HIVEP3: variants seen among roughly 807,000 people sequenced by gnomAD.
The protein encoded by HIVEP3 is transcription factor HIVEP3.
Under a neutral mutation model 152.8 loss-of-function variants are expected in HIVEP3, and 49 were observed. The observed-to-expected ratio is 0.32, with a 90% CI of 0.26 to 0.41. HIVEP3 has a LOEUF of 0.41. HIVEP3 is among the 10% of genes least tolerant of loss of function. The pLI is 1.00. For synonymous variants in HIVEP3, 1,269 were observed against 1,289.0 expected, an observed-to-expected ratio of 0.98 and a Z score of 0.33; for missense variants, 2,790 against 3,103.3, an observed-to-expected ratio of 0.90 and a Z score of 2.40.
chr1:41,962,519 T>C (rs1645174521), intron 1 of HIVEP3, among the ~76,000 whole-genome samples: 1 of 152,254 alleles, frequency 6.6e-6, no homozygotes, highest in African/African-American at 2.4e-5. Flanking sequence ...ACTTACTAGG[T>C]ACTCCCTGGG....
chr1:41,558,569 C>T (rs72953304), intron 5 of HIVEP3, among the ~76,000 whole-genome samples: 2,448 of 152,318 alleles, frequency 0.016, 62 homozygotes, highest in African/African-American at 0.056. Context: ...TGTCAGCCTG[C>T]ACCCCTCCTG....
chr1:41,575,862 G>C (rs1036533819), intron 4 of HIVEP3, among the ~76,000 whole-genome samples, 173 bp from the exon 5 acceptor site: 41 of 152,206 alleles, frequency 2.7e-4, no homozygotes, highest in Non-Finnish European at 5.4e-4. Context: ...TAAGGAAACT[G>C]ATCCCCAGAG....
chr1:41,681,762 C>A (rs796726460), intron 2 of HIVEP3, among the ~76,000 whole-genome samples: 36 of 152,298 alleles, frequency 2.4e-4, no homozygotes, highest in African/African-American at 7.9e-4. Flanking sequence ...GGGAGGGAAA[C>A]CTTGTGTTCA....
chr1:41,752,662 G>A (rs532063959), intron 1 of HIVEP3, among the ~76,000 whole-genome samples: 2 of 152,202 alleles, frequency 1.3e-5, no homozygotes, highest in Admixed American at 6.5e-5. Flanking sequence ...GTCCCAGACC[G>A]ACAGAACCAG....
intron 1 of HIVEP3, among the ~76,000 whole-genome samples, chr1:41,812,683 T>TG (rs952215041): frequency 3.7e-4 from 51 of 138,798 alleles, no homozygotes; most frequent in African/African-American, 6.1e-4. Flanking sequence ...TGGTAGGGGG[T>TG]GGGGGGGGAC....
At chr1:41,713,442 A>G (rs982368263) in intron 1 of HIVEP3, among the ~76,000 whole-genome samples, 1 of 152,226 alleles carries the variant, frequency 6.6e-6, no homozygotes, top group Non-Finnish European at 1.5e-5. Flanking sequence ...TTTAACTTGG[A>G]GAATAATGGG....
At chr1:42,018,605 T>C (rs1420062120) in intron 1 of HIVEP3, among the ~76,000 whole-genome samples, 2 of 152,064 alleles carry the variant, frequency 1.3e-5, no homozygotes, top group Non-Finnish European at 1.5e-5. Flanking sequence ...CCCCAAAATA[T>C]GCCTCTGACA....
At chr1:41,701,168 T>A (rs1224430056) in intron 1 of HIVEP3, among the ~76,000 whole-genome samples, 173 bp from the exon 2 acceptor site, 1 of 152,194 alleles carries the variant, frequency 6.6e-6, no homozygotes, top group East Asian at 1.9e-4. Context: ...TCCCTGCGGA[T>A]GAAACCACAG....
intron 6 of HIVEP3, among the ~76,000 whole-genome samples, chr1:41,523,119 C>T (rs973096285): frequency 4.6e-5 from 7 of 152,224 alleles, no homozygotes; most frequent in Non-Finnish European, 8.8e-5. Context: ...AGTTGACGAC[C>T]GTCCATTGAA....
chr1:41,985,999 G>A (rs753690989), intron 1 of HIVEP3, among the ~76,000 whole-genome samples: 4 of 152,174 alleles, frequency 2.6e-5, no homozygotes, highest in Non-Finnish European at 5.9e-5. Flanking sequence ...CTATTTCAAA[G>A]TTAAGATCTT....
At chr1:41,920,760 T>C (rs564459636), upstream of HIVEP3, among the ~76,000 whole-genome samples, 10 of 152,322 alleles carry the variant, frequency 6.6e-5, no homozygotes, top group African/African-American at 1.9e-4. Flanking sequence ...TGAGGCTTTG[T>C]AACTTGGCTT....
intron 2 of HIVEP3, among the ~76,000 whole-genome samples, chr1:41,690,603 A>G (rs1646182952): frequency 6.6e-6 from 1 of 152,174 alleles, no homozygotes; most frequent in Non-Finnish European, 1.5e-5. Context: ...GACTGAGTAC[A>G]CTTACATATT....
intron 1 of HIVEP3, among the ~76,000 whole-genome samples, chr1:41,737,719 A>T (rs1234596865): frequency 6.6e-6 from 1 of 152,202 alleles, no homozygotes; most frequent in Non-Finnish European, 1.5e-5. Context: ...TCAGTCTGGC[A>T]CTTTATGTAA....
chr1:41,706,574 G>A lies in HIVEP3; in HGVS notation c.-800-5579C>T, dbSNP rs959568712. Among the ~76,000 whole-genome samples, 2 of 152,232 alleles carry A rather than the reference G, an allele frequency of 1.3e-5. 1 individual carries two copies. The highest frequency in any genetic ancestry group is 4.1e-4 in the South Asian group (2 of 4,834). ...TGGGATTACAGGCGTAAGCCACCGT[G>A]CCAGGCTGGAATACATGTATTTTAA... On this transcript the variant is annotated intron_variant, in intron 1 of 8. Transcript: ENST00000372583.
At chr1:41,795,146 G>C (rs1649914355) in intron 1 of HIVEP3, among the ~76,000 whole-genome samples, 1 of 152,142 alleles carries the variant, frequency 6.6e-6, no homozygotes, top group Non-Finnish European at 1.5e-5. Context: ...TGTCCTTTTT[G>C]TCTTCCAGTA....
chr1:41,900,927 C>T (rs935924474), intron 1 of HIVEP3, among the ~76,000 whole-genome samples: 2 of 152,050 alleles, frequency 1.3e-5, no homozygotes, highest in Non-Finnish European at 2.9e-5. Context: ...CAAGAAATTA[C>T]AGACATGATT....
intron 1 of HIVEP3, among the ~76,000 whole-genome samples, chr1:41,983,145 C>G (rs1645303169): frequency 6.6e-6 from 1 of 152,218 alleles, no homozygotes; most frequent in African/African-American, 2.4e-5. Context: ...AGGTAATGCT[C>G]GCCCACCTCA....
intron 1 of HIVEP3, among the ~76,000 whole-genome samples, chr1:41,963,639 C>T (rs959581534): frequency 2.6e-5 from 4 of 151,910 alleles, no homozygotes; most frequent in Non-Finnish European, 5.9e-5. Context: ...CAAACCTGCA[C>T]GTTGTGCACA....
chr1:41,744,149 C>T (rs1647036281), intron 1 of HIVEP3, among the ~76,000 whole-genome samples: 1 of 152,188 alleles, frequency 6.6e-6, no homozygotes, highest in Non-Finnish European at 1.5e-5. Context: ...AGCGATTCTC[C>T]TGCCTCAACC....
Sources: allele counts gnomAD v4.1 joint callset (sites outside exome capture counted in the v4.1 genomes callset), GRCh38; gene constraint gnomAD v4.1.1; transcripts MANE v1.5; gene names NCBI Gene and HGNC (gene_info 2026-07-23, HGNC 2026-07-21).